The following HECW2 variants were observed in gnomAD, a reference collection of about 807,000 sequenced individuals.
The protein encoded by HECW2 is E3 ubiquitin-protein ligase HECW2.
In HECW2, 61 loss-of-function variants were observed where a neutral mutation model predicts 175.2. The ratio of observed to expected loss-of-function variants is 0.35; its 90% CI spans 0.28 to 0.43. HECW2 has a LOEUF of 0.43. Ranked by LOEUF, HECW2 falls within the 20% of genes least tolerant of loss-of-function variation. The probability of loss-of-function intolerance (pLI) is 1.00; values close to 1 mark genes in which losing one functional copy is unlikely to be tolerated. For missense variants in HECW2, 1,524 were observed against 2,000.5 expected (o/e 0.76, Z 4.54); for synonymous variants, 671 against 731.0 (o/e 0.92, Z 1.32).
chr2:196,483,012 G>A (rs1288670068), intron 1 of HECW2, among the ~76,000 whole-genome samples: 1 of 149,548 alleles, frequency 6.7e-6, no homozygotes, highest in Non-Finnish European at 1.5e-5. Flanking sequence ...AAACTAAGGT[G>A]TCCCTTTAAT....
intron 19 of HECW2, among the ~76,000 whole-genome samples, chr2:196,252,863 C>T (rs772706825): frequency 6.6e-6 from 1 of 151,916 alleles, no homozygotes; most frequent in African/African-American, 2.4e-5. Flanking sequence ...AATACCCCAT[C>T]CCCAGCCCTG....
intron 19 of HECW2, 25 bp downstream of exon 19, chr2:196,253,895 C>A: frequency 6.2e-7 from 1 of 1,605,382 alleles, no homozygotes. Context: ...TCAGAGAATT[C>A]ACTGTGAGCA....
intron 1 of HECW2, among the ~76,000 whole-genome samples, chr2:196,477,997 A>T (rs753364844): frequency 2.6e-5 from 4 of 152,222 alleles, no homozygotes; most frequent in Non-Finnish European, 5.9e-5. Context: ...GGTTGCAGTG[A>T]GCCGAGATCA....
intron 28 of HECW2, among the ~76,000 whole-genome samples, chr2:196,210,400 A>C (rs531138175): frequency 3.9e-4 from 59 of 151,900 alleles, no homozygotes; most frequent in Non-Finnish European, 1.2e-4. Context: ...GTATCTCTCT[A>C]TGTTGCTCAG....
intron 2 of HECW2, among the ~76,000 whole-genome samples, chr2:196,379,066 C>T (rs1477396008): frequency 2.8e-5 from 4 of 143,352 alleles, no homozygotes; most frequent in Middle Eastern, 7.2e-3. Flanking sequence ...AGTTAAAAGA[C>T]AATACCAGTG....
rs531920307 is a variant in HECW2 at position 196,278,133 on chromosome 2, A to AAAAAAAAAAATATAT, written c.3135+394_3135+395insATATATTTTTTTTTT. 3.2e-4 allele frequency among the ~76,000 whole-genome samples: 21 copies of AAAAAAAAAAATATAT among 66,552 alleles called. 3 individuals are homozygous for AAAAAAAAAAATATAT. The highest frequency in any genetic ancestry group is 6.6e-4 in the Non-Finnish European group (20 of 30,298). The allele number at this position is 66,552 out of a possible 152,430, so 43.7% of individuals were successfully genotyped here. On this transcript the variant is annotated intron_variant, in intron 15 of 28. Coordinates refer to ENST00000644978, the MANE Select transcript of HECW2 (RefSeq NM_001348768.2). ...CCTAGAACTTAAAGTATAATTAAAA[A>AAAAAAAAAAATATAT]ATATATATATATATATATAAAGAAA...
At chr2:196,287,001 C>G (rs887145010) in intron 14 of HECW2, among the ~76,000 whole-genome samples, 4 of 152,216 alleles carry the variant, frequency 2.6e-5, no homozygotes, top group African/African-American at 7.2e-5. Flanking sequence ...TGGGTCATTA[C>G]TGAAACAACT....
At chr2:196,481,490 G>A (rs577750428) in intron 1 of HECW2, among the ~76,000 whole-genome samples, 13 of 152,232 alleles carry the variant, frequency 8.5e-5, no homozygotes, top group South Asian at 2.1e-4. Context: ...GGAAACCACC[G>A]GCAGACCATC....
intron 28 of HECW2, among the ~76,000 whole-genome samples, chr2:196,215,472 C>T (rs1687443860): frequency 6.6e-6 from 1 of 152,182 alleles, no homozygotes; most frequent in Non-Finnish European, 1.5e-5. Context: ...AGCACATCCA[C>T]ATTATCTAAT....
At chr2:196,443,127 A>T (rs992812016) in intron 1 of HECW2, among the ~76,000 whole-genome samples, 7 of 152,180 alleles carry the variant, frequency 4.6e-5, no homozygotes, top group Non-Finnish European at 7.3e-5. Context: ...AGGAGACAGG[A>T]TCCTATGGAC....
intron 1 of HECW2, among the ~76,000 whole-genome samples, chr2:196,531,017 A>G (rs1688822445): frequency 6.6e-6 from 1 of 152,136 alleles, no homozygotes; most frequent in Non-Finnish European, 1.5e-5. Context: ...CCTCCGCAAT[A>G]TTATCCCTAA....
chr2:196,522,310 C>T (rs1185665550), intron 1 of HECW2, among the ~76,000 whole-genome samples: 1 of 152,120 alleles, frequency 6.6e-6, no homozygotes, highest in East Asian at 1.9e-4. Flanking sequence ...CATGTCCTTG[C>T]CCACTTTTTG....
chr2:196,222,809 A>G (rs1439171547), intron 23 of HECW2, among the ~76,000 whole-genome samples: 1 of 151,808 alleles, frequency 6.6e-6, no homozygotes, highest in Non-Finnish European at 1.5e-5. Context: ...TTTTATTTTA[A>G]TATTTATTTT....
At chr2:196,289,646 G>T (rs17282098) in intron 14 of HECW2, 39,061 of 152,078 alleles carry the variant, frequency 0.26, 5,916 homozygotes, top group African/African-American at 0.42. Flanking sequence ...ATCAGTAGTG[G>T]GATCATATCT....
chr2:196,226,089 C>T (rs1165709563), intron 22 of HECW2, among the ~76,000 whole-genome samples: 1 of 152,188 alleles, frequency 6.6e-6, no homozygotes, highest in Non-Finnish European at 1.5e-5. Context: ...TGTTGAATTG[C>T]AATCCCCATT....
chr2:196,343,568 T>C (rs1304111642), intron 3 of HECW2, 89 bp downstream of exon 3: 12 of 832,840 alleles, frequency 1.4e-5, no homozygotes, highest in Non-Finnish European at 2.1e-5. Context: ...CCAAAGAATT[T>C]CAAAATAACA....
intron 3 of HECW2, among the ~76,000 whole-genome samples, chr2:196,338,658 T>A (rs185983467): frequency 2.0e-5 from 3 of 152,300 alleles, no homozygotes; most frequent in Non-Finnish European, 2.9e-5. Context: ...CTGTTCCTAT[T>A]TAGAGAGTCT....
chr2:196,473,800 A>C (rs1697312290), intron 1 of HECW2, among the ~76,000 whole-genome samples: 1 of 152,240 alleles, frequency 6.6e-6, no homozygotes, highest in South Asian at 2.1e-4. Context: ...AACAGGACAC[A>C]ATCTAGGAAA....
intron 23 of HECW2, among the ~76,000 whole-genome samples, chr2:196,223,934 A>G (rs1211651839): frequency 6.6e-6 from 1 of 152,216 alleles, no homozygotes; most frequent in Non-Finnish European, 1.5e-5. Flanking sequence ...AGTATAAAGA[A>G]GGATATCTAA....
Sources: allele counts gnomAD v4.1 joint callset (sites outside exome capture counted in the v4.1 genomes callset), GRCh38; gene constraint gnomAD v4.1.1; transcripts MANE v1.5; gene names NCBI Gene and HGNC (gene_info 2026-07-23, HGNC 2026-07-21).